The following PABPC1 variants were observed in gnomAD, a reference collection of about 807,000 sequenced individuals.
The protein encoded by PABPC1 is polyadenylate-binding protein 1.
A neutral mutation model predicts 74.0 loss-of-function variants in PABPC1; 4 were observed. The ratio of observed to expected loss-of-function variants is 0.05; its 90% CI spans 0.03 to 0.12. The LOEUF (loss-of-function observed/expected upper bound fraction) is 0.12, where lower values mean the gene tolerates loss of function less well. Among genes scored for constraint, PABPC1 ranks in the 10% least tolerant of loss-of-function variants. PABPC1 has a pLI of 1.00. For synonymous variants in PABPC1, 227 were observed against 264.1 expected (o/e 0.86, Z 1.36); for missense variants, 271 against 821.1 (o/e 0.33, Z 8.19).
chr8:100,717,492 C>G (rs1171782875), intron 3 of PABPC1, among the ~76,000 whole-genome samples: 9 of 152,098 alleles, frequency 5.9e-5, no homozygotes, highest in Non-Finnish European at 1.5e-5. Context: ...GTTTACTTAT[C>G]TTCTGTTTTC....
chr8:100,708,351 G>A (rs1670477775), intron 9 of PABPC1, among the ~76,000 whole-genome samples: 1 of 152,136 alleles, frequency 6.6e-6, no homozygotes, highest in African/African-American at 2.4e-5. Context: ...AGCTACTTGG[G>A]AGGCTGAGGC....
At chr8:100,716,009 A>G (rs1371631289) in intron 3 of PABPC1, among the ~76,000 whole-genome samples, 4 of 152,232 alleles carry the variant, frequency 2.6e-5, no homozygotes, top group Admixed American at 2.6e-4. Flanking sequence ...TAAACTTCCC[A>G]ATCGTGTACT....
chr8:100,710,470 G>C (rs1333071709), intron 7 of PABPC1, among the ~76,000 whole-genome samples: 1 of 152,180 alleles, frequency 6.6e-6, no homozygotes, highest in African/African-American at 2.4e-5. Context: ...ACATTTTAAA[G>C]TACTGGGGAA....
Position 100,704,007 on chromosome 8 carries a change from ATCGCGT to A in PABPC1, c.*1+284_*1+289del, listed in dbSNP as rs538486207. 2.7e-4 allele frequency: 71 copies of A among 264,996 alleles called. No homozygotes were observed. The East Asian group carries it at 6.1e-3, about 23-fold the overall frequency. 16.4% of individuals were successfully genotyped at this position (264,996 alleles called of 1,614,324 possible). ...GAGGTGGAGGTTGCAGTGAGCCGAG[ATCGCGT>A]CAATGCACTCCAGGTTGGGCGACAG... On this transcript the variant is annotated intron_variant, in intron 14 of 14. Coordinates refer to ENST00000318607, the MANE Select transcript of PABPC1 (RefSeq NM_002568.4).
In PABPC1 at chr8:100,704,918, T is replaced by C; in HGVS notation, c.1818+8A>G. The C allele has an allele frequency of 1.2e-6, 2 of 1,611,092 alleles. No individual in the cohort carries two copies. The highest frequency in any genetic ancestry group is 8.5e-7 in the Non-Finnish European group (1 of 1,179,576). ...TAAGAGGCAACTTGGTAAATAAATT[T>C]AAATCACCTTAGAACGGAGTGACTC... On this transcript the variant is annotated splice_region_variant and intron_variant, in intron 13 of 14. Transcript: ENST00000318607.
intron 4 of PABPC1, among the ~76,000 whole-genome samples, chr8:100,713,700 C>A (rs992020615): frequency 6.6e-6 from 1 of 152,134 alleles, no homozygotes; most frequent in African/African-American, 2.4e-5. Context: ...GTTGCCCGGG[C>A]TAGTCTAAAA....
rs1810646048 is a variant in PABPC1 at position 100,715,455 on chromosome 8, AC to A, written c.643+6del. ...TTGTGTGTAAAAATTTAATTAAGAC[AC>A]ATTACCAAACTTGCCAAAGAGATCC... On this transcript the variant is annotated splice_donor_region_variant and intron_variant, in intron 4 of 14. Transcript: ENST00000318607. 6.4e-7 allele frequency: 1 copy of A among 1,557,080 alleles called. No individual in the cohort carries two copies. Among genetic ancestry groups the A allele is most frequent in the South Asian group, 1.2e-5 (1 of 82,062 alleles).
rs1225784392 is a variant in PABPC1 at position 100,717,764 on chromosome 8, A to G, written c.503+9T>C. On this transcript the variant is annotated intron_variant, in intron 3 of 14. Transcript: ENST00000318607. ...TCAAAATATGATTAGCTAGATATTT[A>G]TAACTTACACTTTGCGATCATTTAG... 2.8e-6 allele frequency: 4 copies of G among 1,411,570 alleles called. No homozygotes were observed. Among genetic ancestry groups the G allele is most frequent in the South Asian group, 2.4e-5 (2 of 82,728 alleles). 87.4% of individuals were successfully genotyped at this position (1,411,570 alleles called of 1,614,324 possible).
At position 100,709,675 on chromosome 8, in the gene PABPC1, T is replaced by C; in HGVS notation, c.1029A>G (p.Pro343=). ...KGFGFVCFSS[P]EEATKAVTEM... ...CTGTAACTGCTTTAGTGGCTTCTTC[T>C]GGGGAGGAGAAACATACAAAACCAA... Residue 343 remains proline, a synonymous_variant, in exon 8 of 15, where the codon CCA becomes CCG. Transcript: ENST00000318607. 1 of 1,614,012 alleles carries C rather than the reference T, an allele frequency of 6.2e-7. No homozygotes were observed. The highest frequency in any genetic ancestry group is 1.1e-5 in the South Asian group (1 of 91,082).
At chr8:100,704,042 G>A (rs921354542) in intron 14 of PABPC1, 8 of 309,360 alleles carry the variant, frequency 2.6e-5, no homozygotes, top group East Asian at 6.6e-5. Context: ...GCGACAGAAC[G>A]AAACTCCATC....
intron 3 of PABPC1, among the ~76,000 whole-genome samples, chr8:100,716,714 G>C (rs1388386296): frequency 6.6e-6 from 1 of 152,202 alleles, no homozygotes; most frequent in African/African-American, 2.4e-5. Flanking sequence ...ACAAGGTCTT[G>C]CTATTCTGCC....
chr8:100,706,203 T>C (rs1810374511), intron 11 of PABPC1, among the ~76,000 whole-genome samples: 1 of 152,238 alleles, frequency 6.6e-6, no homozygotes, highest in Admixed American at 6.5e-5. Context: ...AGGATGTGAA[T>C]TTCTCGCTGC....
At chr8:100,717,649 G>A in intron 3 of PABPC1, 124 bp downstream of exon 3, 2 of 626,020 alleles carry the variant, frequency 3.2e-6, no homozygotes, top group African/African-American at 1.8e-5. Context: ...TCTTTAAAAT[G>A]TTTTTATTCT....
rs1455015754 is a variant in PABPC1, at chr8:100,718,151, T to C, written c.323A>G (p.Lys108Arg). Reference sequence around the variant, plus strand: ...ATACAGTGCTTTATTATCAATGGATTTGTCCAGATTTTTAATGAATATGTT... The same window carrying C: ...ATACAGTGCTTTATTATCAATGGATCTGTCCAGATTTTTAATGAATATGTT... ...VGNIFIKNLD[K>R]SIDNKALYDT... is the part of the protein sequence containing the mutation. The change falls in exon 2 of 15, where the codon AAA becomes AGA. Residue 108 changes from lysine (K) to arginine (R), a missense_variant. Around this residue, in one of 7 missense-constraint regions of PABPC1, gnomAD observed 47 missense variants for 214.1 expected, o/e 0.22. Transcript: ENST00000318607. The C allele has an allele frequency of 6.2e-7, 1 of 1,614,176 alleles. No individual in the cohort carries two copies. The highest frequency in any genetic ancestry group is 8.5e-7 in the Non-Finnish European group (1 of 1,180,014).
At chr8:100,707,103 G>A in intron 9 of PABPC1, 106 bp from the exon 10 acceptor site, 9 of 778,964 alleles carry the variant, frequency 1.2e-5, no homozygotes, top group Non-Finnish European at 1.9e-5. Context: ...ACTAAAAAGT[G>A]ACAAAACTTT....
At chr8:100,718,948 T>C (rs1035909430) in intron 1 of PABPC1, among the ~76,000 whole-genome samples, 14 of 152,220 alleles carry the variant, frequency 9.2e-5, no homozygotes, top group Non-Finnish European at 7.3e-5. Flanking sequence ...AATCACAGAA[T>C]TTTAAAAACA....
chr8:100,720,955 C>T (rs1810807545), intron 1 of PABPC1, among the ~76,000 whole-genome samples: 1 of 152,192 alleles, frequency 6.6e-6, no homozygotes, highest in Non-Finnish European at 1.5e-5. Context: ...ATTTTTCGAG[C>T]ACAGAACTGC....
In PABPC1 at chr8:100,721,612, G is replaced by A. The variant is rs762418290; in HGVS notation, c.-29C>T. 1.4e-6 allele frequency: 2 copies of A among 1,477,418 alleles called. No homozygotes were observed. The highest frequency in any genetic ancestry group is 2.3e-4 in the Middle Eastern group (1 of 4,366). The allele number at this position is 1,477,418 out of a possible 1,614,324, so 91.5% of individuals were successfully genotyped here. On this transcript the variant is annotated 5_prime_UTR_variant, in exon 1 of 15. Coordinates refer to ENST00000318607, the MANE Select transcript of PABPC1 (RefSeq NM_002568.4). This position sits in a 1 kb window ranked among gnomAD's most constrained non-coding sequence, Gnocchi z 7.4. ...GGCACGGCTGCCCGCAGGGCCACAG[G>A]CCGCGACCTTTCCGTGAGAGGAGGA...
chr8:100,716,409 A>G (rs1413880449), intron 3 of PABPC1, among the ~76,000 whole-genome samples: 1 of 152,190 alleles, frequency 6.6e-6, no homozygotes, highest in African/African-American at 2.4e-5. Context: ...AAAAATATAA[A>G]AAGAACAACG....
Sources: gnomAD v4.1 joint callset for allele counts (sites outside exome capture counted in the v4.1 genomes callset) on GRCh38, gnomAD v4.1.1 for gene constraint, gnomAD v4.1.1 regional missense constraint, Gnocchi (gnomAD v3.1) non-coding constraint, MANE v1.5 for transcripts, NCBI Gene and HGNC (gene_info 2026-07-23, HGNC 2026-07-21) for gene names.